The following SUPT3H variants were observed in gnomAD, a reference collection of about 807,000 sequenced individuals.
SUPT3H encodes transcription initiation protein SPT3 homolog.
A neutral mutation model predicts 44.3 loss-of-function variants in SUPT3H; 44 were observed. The observed-to-expected ratio is 0.99, with a 90% confidence interval of 0.78 to 1.28. The LOEUF (loss-of-function observed/expected upper bound fraction) is 1.28, where lower values mean the gene tolerates loss of function less well. Among genes scored for constraint, SUPT3H ranks in the 50% most tolerant of loss-of-function variants. The probability of loss-of-function intolerance (pLI) is 0.00; values close to 1 mark genes in which losing one functional copy is unlikely to be tolerated. For missense variants in SUPT3H, 380 were observed against 387.1 expected (o/e 0.98, Z 0.15); for synonymous variants, 124 against 125.6 (o/e 0.99, Z 0.09).
chr6:45,039,063 C>T (rs188776316), intron 3 of SUPT3H, among the ~76,000 whole-genome samples: 3 of 152,092 alleles, frequency 2.0e-5, no homozygotes, highest in Non-Finnish European at 2.9e-5. Flanking sequence ...TTTCACTTCC[C>T]GTTAGTGCAA....
intron 6 of SUPT3H, among the ~76,000 whole-genome samples, chr6:45,002,642 T>G (rs1038127131): frequency 6.6e-6 from 1 of 152,062 alleles, no homozygotes; most frequent in African/African-American, 2.4e-5. Flanking sequence ...CAAGGCAAAG[T>G]TGAACTAAAA....
chr6:45,285,125 C>T (rs1008649202), intron 2 of SUPT3H, among the ~76,000 whole-genome samples: 2 of 151,758 alleles, frequency 1.3e-5, no homozygotes, highest in African/African-American at 4.8e-5. Context: ...GACAAACCCA[C>T]AGCCAATATC....
intron 3 of SUPT3H, among the ~76,000 whole-genome samples, chr6:45,061,626 A>G (rs1792050166): frequency 6.6e-6 from 1 of 152,230 alleles, no homozygotes; most frequent in Non-Finnish European, 1.5e-5. Context: ...AAACAAAAAA[A>G]GAAATTAGGG....
At chr6:45,276,597 A>G (rs750923779) in intron 2 of SUPT3H, among the ~76,000 whole-genome samples, 1 of 152,080 alleles carries the variant, frequency 6.6e-6, no homozygotes, top group Non-Finnish European at 1.5e-5. Flanking sequence ...TGATTTTCTG[A>G]TTTACTCTGG....
chr6:45,033,161 A>C (rs1787200732), intron 3 of SUPT3H, among the ~76,000 whole-genome samples: 1 of 152,126 alleles, frequency 6.6e-6, no homozygotes, highest in African/African-American at 2.4e-5. Flanking sequence ...GAGAAAAGAT[A>C]ATGTCTGAAA....
intron 2 of SUPT3H, among the ~76,000 whole-genome samples, chr6:45,248,199 T>C (rs1047089598): frequency 6.6e-6 from 1 of 151,638 alleles, no homozygotes; most frequent in Admixed American, 6.6e-5. Flanking sequence ...TTCCTAGATA[T>C]AATACCAAAA....
At chr6:45,289,611 G>T (rs1303550025) in intron 2 of SUPT3H, among the ~76,000 whole-genome samples, 1 of 152,096 alleles carries the variant, frequency 6.6e-6, no homozygotes, top group Admixed American at 6.5e-5. Flanking sequence ...AACTTGAGAG[G>T]TCAGATAATA....
intron 3 of SUPT3H, among the ~76,000 whole-genome samples, chr6:45,082,359 G>T (rs2153558897): frequency 6.6e-6 from 1 of 152,128 alleles, no homozygotes; most frequent in Admixed American, 6.5e-5. Context: ...GAAAACTTCA[G>T]GCCAATATCT....
At chr6:44,917,219 T>A (rs1011850059) in intron 10 of SUPT3H, among the ~76,000 whole-genome samples, 5 of 152,114 alleles carry the variant, frequency 3.3e-5, no homozygotes, top group Non-Finnish European at 7.4e-5. Flanking sequence ...GTTGTCTGAC[T>A]CAAAAGCCCT....
At chr6:45,230,760 C>T (rs900386599) in intron 2 of SUPT3H, among the ~76,000 whole-genome samples, 4 of 148,350 alleles carry the variant, frequency 2.7e-5, no homozygotes, top group African/African-American at 9.9e-5. Context: ...GCAACCTCTG[C>T]CTCCTGGGTT....
In SUPT3H at chr6:45,018,253, C is replaced by T. The variant is rs559204264; in HGVS notation, c.273+2293G>A. 2.0e-3 allele frequency among the ~76,000 whole-genome samples: 305 copies of T among 152,184 alleles called. 2 individuals carry two copies. Among genetic ancestry groups the T allele is most frequent in the African/African-American group, 5.8e-3 (239 of 41,516 alleles). ...AACTTAAGGAGATTTTGGGCTGAGA[C>T]GATGGGGTTTTCTAGATATATAATC... On this transcript the variant is annotated intron_variant, in intron 4 of 10. Coordinates refer to ENST00000371459, the MANE Select transcript of SUPT3H (RefSeq NM_003599.4).
chr6:44,900,049 C>G (rs554353487), intron 10 of SUPT3H, among the ~76,000 whole-genome samples: 1 of 152,286 alleles, frequency 6.6e-6, no homozygotes, highest in South Asian at 2.1e-4. Context: ...ATGATGGAGC[C>G]AAGACGGCTG....
chr6:45,232,814 C>G (rs1009194835), intron 2 of SUPT3H, among the ~76,000 whole-genome samples: 9 of 152,182 alleles, frequency 5.9e-5, no homozygotes, highest in Admixed American at 4.6e-4. Flanking sequence ...CACACACAAA[C>G]TGAAGATCCC....
intron 10 of SUPT3H, among the ~76,000 whole-genome samples, chr6:44,842,954 G>A (rs1421160156): frequency 1.3e-4 from 20 of 151,972 alleles, no homozygotes; most frequent in Admixed American, 9.8e-4. Context: ...ATACTGTTAC[G>A]TGGAAGGGAA....
intron 2 of SUPT3H, among the ~76,000 whole-genome samples, chr6:45,362,261 T>C (rs971068850): frequency 1.3e-5 from 2 of 152,130 alleles, no homozygotes; most frequent in Non-Finnish European, 2.9e-5. Flanking sequence ...TCCCCAGAAA[T>C]GACACTACAA....
intron 3 of SUPT3H, among the ~76,000 whole-genome samples, chr6:45,054,853 C>T (rs1454870182): frequency 6.6e-6 from 1 of 151,880 alleles, no homozygotes; most frequent in Non-Finnish European, 1.5e-5. Context: ...GAATGTGTGC[C>T]CTAATATACA....
chr6:44,941,146 T>A (rs1247565316), intron 9 of SUPT3H, among the ~76,000 whole-genome samples: 3 of 152,130 alleles, frequency 2.0e-5, no homozygotes, highest in African/African-American at 7.2e-5. Flanking sequence ...TGTTTCTTTT[T>A]CTCTTTGTGG....
rs1359645140 is a variant in SUPT3H at position 45,337,779 on chromosome 6, TTTTG to T, written c.101+27418_101+27421del. On this transcript the variant is annotated intron_variant, in intron 2 of 10. Coordinates refer to ENST00000371459, the MANE Select transcript of SUPT3H (RefSeq NM_003599.4). The stretch of plus-strand genomic sequence containing the variant: ...CTCCACTGTTGGTTGTTATGTTTAT[TTTTG>T]TTTATTTGAAACAAATATTAAATAC... 3.9e-5 allele frequency among the ~76,000 whole-genome samples: 6 copies of T among 151,990 alleles called. No homozygotes were observed. In the East Asian group the frequency reaches 9.6e-4, roughly 24 times the overall value.
At position 45,085,238 on chromosome 6, in the gene SUPT3H, T is replaced by A. The variant is rs566663497; in HGVS notation, c.186+20684A>T. Among the ~76,000 whole-genome samples, 15 of 152,278 alleles carry A rather than the reference T, an allele frequency of 9.9e-5. No individual in the cohort carries two copies. In the South Asian group the frequency reaches 3.1e-3, roughly 32 times the overall value. Reference sequence around the variant, plus strand: ...GTGATTTGAAATTTTTTCTGTCCTGTCTCCCAACACAGGTTTAAATATTTA... The same window carrying A: ...GTGATTTGAAATTTTTTCTGTCCTGACTCCCAACACAGGTTTAAATATTTA... On this transcript the variant is annotated intron_variant, in intron 3 of 10. Coordinates refer to ENST00000371459, the MANE Select transcript of SUPT3H (RefSeq NM_003599.4).
Sources: allele counts gnomAD v4.1 joint callset (sites outside exome capture counted in the v4.1 genomes callset), GRCh38; gene constraint gnomAD v4.1.1; transcripts MANE v1.5; gene names NCBI Gene and HGNC (gene_info 2026-07-23, HGNC 2026-07-21).